USP48: variants seen among roughly 807,000 people sequenced by gnomAD.
USP48 encodes the protein ubiquitin carboxyl-terminal hydrolase 48.
A neutral mutation model predicts 150.7 loss-of-function variants in USP48; 43 were observed. The observed-to-expected ratio is 0.29, with a 90% CI of 0.22 to 0.37. The LOEUF is 0.37. Among genes scored for constraint, USP48 ranks in the 10% least tolerant of loss-of-function variants. The pLI is 1.00. For missense variants in USP48, 813 were observed against 1,249.6 expected (o/e 0.65, Z 5.27); for synonymous variants, 396 against 425.9 (o/e 0.93, Z 0.86).
intron 15 of USP48, among the ~76,000 whole-genome samples, chr1:21,707,617 G>C (rs2097676537): frequency 6.6e-6 from 1 of 152,116 alleles, no homozygotes; most frequent in Non-Finnish European, 1.5e-5. Flanking sequence ...TGTTGTTTCA[G>C]CTGTTCCCAA....
rs1326499024 is a variant in USP48, at chr1:21,678,994, T to C, written c.*423A>G. 1 of 222,588 alleles carries C rather than the reference T, an allele frequency of 4.5e-6. No individual in the cohort carries two copies. Among genetic ancestry groups the C allele is most frequent in the Non-Finnish European group, 8.8e-6 (1 of 113,836 alleles). 13.8% of individuals were successfully genotyped at this position (222,588 alleles called of 1,614,324 possible). On this transcript the variant is annotated 3_prime_UTR_variant, in exon 27 of 27. Coordinates refer to ENST00000308271, the MANE Select transcript of USP48 (RefSeq NM_032236.8). Reference sequence around the variant, plus strand: ...GTTATGTCTCTAAAATTACTTTTCGTTCAGAGCAGAATGTTGTCCCATCTA... The same window carrying C: ...GTTATGTCTCTAAAATTACTTTTCGCTCAGAGCAGAATGTTGTCCCATCTA...
chr1:21,689,131 T>C (rs750615770), intron 24 of USP48, among the ~76,000 whole-genome samples: 1 of 151,012 alleles, frequency 6.6e-6, no homozygotes, highest in African/African-American at 2.4e-5. Context: ...AGAAAAACTA[T>C]GAAAATCTCA....
intron 15 of USP48, among the ~76,000 whole-genome samples, chr1:21,708,513 C>T (rs926872078): frequency 3.1e-3 from 470 of 151,316 alleles, no homozygotes; most frequent in Non-Finnish European, 4.2e-3. Context: ...CAAAAACAAA[C>T]AAACAAACAA....
At chr1:21,701,396 C>T (rs1454744120) in intron 22 of USP48, 102 bp downstream of exon 22, 2 of 838,908 alleles carry the variant, frequency 2.4e-6, no homozygotes, top group Admixed American at 2.8e-5. Context: ...AAAAAAGAAC[C>T]AATATCCCAT....
chr1:21,766,526 T>C (rs1040125642), intron 1 of USP48, among the ~76,000 whole-genome samples: 3 of 151,790 alleles, frequency 2.0e-5, no homozygotes, highest in African/African-American at 7.3e-5. Flanking sequence ...GATCTGTCAT[T>C]TAAGAGTACA....
At chr1:21,714,422 A>C (rs2097698773) in intron 15 of USP48, among the ~76,000 whole-genome samples, 2 of 152,078 alleles carry the variant, frequency 1.3e-5, no homozygotes. Context: ...GGCACATACC[A>C]CCAAACCCAC....
At chr1:21,713,759 C>T (rs1571821863) in intron 15 of USP48, among the ~76,000 whole-genome samples, 1 of 152,322 alleles carries the variant, frequency 6.6e-6, no homozygotes, top group East Asian at 1.9e-4. Flanking sequence ...ACTTCCTTCC[C>T]CTGTTTATTT....
rs2097835210 is a variant in USP48 at position 21,756,443 on chromosome 1, T to A, written c.412+103A>T. 2.2e-6 allele frequency: 3 copies of A among 1,364,038 alleles called. No homozygotes were observed. The South Asian group carries it at 4.0e-5, about 18-fold the overall frequency. The allele number at this position is 1,364,038 out of a possible 1,614,324, so 84.5% of individuals were successfully genotyped here. A position where few individuals can be genotyped will look rare whatever the true frequency, so the allele number is the denominator to read the frequency against. On this transcript the variant is annotated intron_variant, in intron 3 of 26. Transcript: ENST00000308271. ...TTGCAGTGAACCGAGATGGCGCCAC[T>A]TCACTCTGGCTTGGGAAACAGAGGA...
chr1:21,773,705 G>A, intron 1 of USP48, among the ~76,000 whole-genome samples: 1 of 152,114 alleles, frequency 6.6e-6, no homozygotes, highest in Non-Finnish European at 1.5e-5. Flanking sequence ...CTTTACCTCA[G>A]CAATTTCTCA....
At chr1:21,697,843 G>C (rs1466585104) in intron 22 of USP48, among the ~76,000 whole-genome samples, 3 of 151,960 alleles carry the variant, frequency 2.0e-5, no homozygotes, top group African/African-American at 7.3e-5. Flanking sequence ...GATTTTAAAT[G>C]GATCTAAAGG....
intron 22 of USP48, among the ~76,000 whole-genome samples, chr1:21,696,370 G>A (rs981160246): frequency 3.3e-5 from 5 of 152,196 alleles, no homozygotes; most frequent in African/African-American, 1.2e-4. Flanking sequence ...CCTGGGAGGC[G>A]GAGGCTGCGG....
chr1:21,683,354 G>C (rs561325359), intron 25 of USP48, among the ~76,000 whole-genome samples: 1 of 152,158 alleles, frequency 6.6e-6, no homozygotes, highest in Non-Finnish European at 1.5e-5. Flanking sequence ...TCACATCAGG[G>C]TATTTAGTTA....
chr1:21,706,391 G>C (rs2097672687), intron 17 of USP48, 76 bp downstream of exon 17: 5 of 1,600,046 alleles, frequency 3.1e-6, no homozygotes, highest in African/African-American at 2.7e-5. Flanking sequence ...GGGTTGTTCT[G>C]AAATAGCTCA....
chr1:21,693,944 T>G (rs182092289), intron 23 of USP48, among the ~76,000 whole-genome samples: 1 of 152,210 alleles, frequency 6.6e-6, no homozygotes, highest in Non-Finnish European at 1.5e-5. Flanking sequence ...ACCAGTAAAC[T>G]ATGCCACATA....
At chr1:21,748,491 T>A (rs1412126898) in intron 6 of USP48, among the ~76,000 whole-genome samples, 2 of 152,274 alleles carry the variant, frequency 1.3e-5, no homozygotes, top group Admixed American at 1.3e-4. Flanking sequence ...ATGTGCCTAT[T>A]TCCCAAATGT....
chr1:21,687,046 A>T, intron 25 of USP48, 145 bp downstream of exon 25: 1 of 730,190 alleles, frequency 1.4e-6, no homozygotes, highest in Non-Finnish European at 2.3e-6. Context: ...ATGATCTTTT[A>T]AGATAATGTA....
chr1:21,706,255 T>C lies in USP48; in HGVS notation c.2212-68A>G, dbSNP rs376924668. ...CCTGCTTAACACAAATTCCTTATAA[T>C]ATACTTTGGTTGTCCTTATTCAAGT... On this transcript the variant is annotated intron_variant, in intron 17 of 26. Transcript: ENST00000308271. The C allele has an allele frequency of 8.8e-5, 137 of 1,561,144 alleles. 2 individuals are homozygous for C. In the East Asian group the frequency reaches 9.5e-4, roughly 11 times the overall value.
At chr1:21,694,722 A>C (rs1490910088) in intron 23 of USP48, among the ~76,000 whole-genome samples, 1 of 151,984 alleles carries the variant, frequency 6.6e-6, no homozygotes, top group Non-Finnish European at 1.5e-5. Context: ...ATTAAATTTC[A>C]CAGCAGTTCC....
At chr1:21,701,379 A>G (rs934737074) in intron 22 of USP48, 119 bp downstream of exon 22, 24 of 741,936 alleles carry the variant, frequency 3.2e-5, no homozygotes, top group Non-Finnish European at 3.8e-5. Context: ...AAAAAAAAAA[A>G]AAGAAAAAAA....
Sources: gnomAD v4.1 joint callset for allele counts (sites outside exome capture counted in the v4.1 genomes callset) on GRCh38, gnomAD v4.1.1 for gene constraint, MANE v1.5 for transcripts, NCBI Gene and HGNC (gene_info 2026-07-23, HGNC 2026-07-21) for gene names.